TNRC6A: variants seen among roughly 807,000 people sequenced by gnomAD.
The protein encoded by TNRC6A is trinucleotide repeat-containing gene 6A protein.
In TNRC6A, 44 loss-of-function variants were observed where a neutral mutation model predicts 221.2. That is an observed-to-expected ratio of 0.20 (90% CI 0.16 to 0.26). The LOEUF (loss-of-function observed/expected upper bound fraction) is 0.26, where lower values mean the gene tolerates loss of function less well. TNRC6A is among the 10% of genes least tolerant of loss of function. The pLI is 1.00. For synonymous variants in TNRC6A, 847 were observed against 838.5 expected (o/e 1.01, Z -0.18); for missense variants, 2,199 against 2,404.4 (o/e 0.91, Z 1.79).
chr16:24,627,221 A>T (rs1478715786), intron 1 of TNRC6A, among the ~76,000 whole-genome samples: 1 of 152,108 alleles, frequency 6.6e-6, no homozygotes, highest in Non-Finnish European at 1.5e-5. Flanking sequence ...GACCTGGAGC[A>T]GTCACTGGTG....
intron 2 of TNRC6A, among the ~76,000 whole-genome samples, chr16:24,675,688 CTCTCTCTCTCTCTCTATATATATATA>C (rs1444484222): frequency 2.2e-3 from 192 of 86,096 alleles, no homozygotes; most frequent in Middle Eastern, 4.9e-3. Context: ...CTCTCTCTCT[CTCTCTCTCTCTCTCTATATATATATA>C]TATATATATA....
At chr16:24,781,855 C>T (rs935737281) in intron 5 of TNRC6A, among the ~76,000 whole-genome samples, 3 of 149,706 alleles carry the variant, frequency 2.0e-5, no homozygotes, top group African/African-American at 7.4e-5. Context: ...GATGGAGTCT[C>T]GCTGTTGCCC....
chr16:24,822,338 A>G (rs947847330), intron 23 of TNRC6A, among the ~76,000 whole-genome samples, 191 bp downstream of exon 23: 7 of 152,160 alleles, frequency 4.6e-5, no homozygotes, highest in African/African-American at 1.4e-4. Flanking sequence ...TGTGCCTGGG[A>G]ACCAACCAAG....
chr16:24,796,008 A>G (rs747025243), intron 9 of TNRC6A, 69 bp downstream of exon 9: 2 of 1,541,662 alleles, frequency 1.3e-6, no homozygotes, highest in Non-Finnish European at 1.8e-6. Flanking sequence ...AACTGCAAAC[A>G]TTTATTTAGC....
chr16:24,610,694 G>T (rs1900006594), intron 1 of TNRC6A, among the ~76,000 whole-genome samples: 1 of 152,048 alleles, frequency 6.6e-6, no homozygotes. Flanking sequence ...CTTCTCCTTC[G>T]CTGTCCTCCC....
intron 1 of TNRC6A, among the ~76,000 whole-genome samples, chr16:24,620,785 G>GTGACAGAGCAAGACGCCGTCT (rs1256489581): frequency 1.3e-5 from 2 of 151,972 alleles, no homozygotes; most frequent in East Asian, 1.9e-4. Context: ...TCCAGCCTGG[G>GTGACAGAGCAAGACGCCGTCT]CAAAAAGAGT....
chr16:24,625,588 C>T (rs930227539), intron 1 of TNRC6A, among the ~76,000 whole-genome samples: 2 of 151,668 alleles, frequency 1.3e-5, no homozygotes, highest in African/African-American at 4.8e-5. Context: ...TAGCCGGGCG[C>T]GGTGGCGGGC....
intron 2 of TNRC6A, among the ~76,000 whole-genome samples, chr16:24,676,162 T>C (rs550316752): frequency 6.6e-6 from 1 of 152,246 alleles, no homozygotes; most frequent in South Asian, 2.1e-4. Context: ...CTCCATTTGC[T>C]CACCTCTCAA....
chr16:24,687,843 G>GGAAGAA (rs758957416), intron 2 of TNRC6A, among the ~76,000 whole-genome samples: 6,976 of 101,834 alleles, frequency 0.069, 551 homozygotes, highest in African/African-American at 0.12. Flanking sequence ...AAGAGGAAGA[G>GGAAGAA]GAAGAAGAAG....
In TNRC6A at chr16:24,822,865, G is replaced by A. The variant is rs370305126; in HGVS notation, c.5374-9G>A. The stretch of plus-strand genomic sequence containing the variant: ...GCCTCTCACTGGCAGTTTCCACACT[G>A]TTTCCTAGATCGATGGCTCAACTCT... On this transcript the variant is annotated splice_polypyrimidine_tract_variant and intron_variant, in intron 23 of 24. Coordinates refer to ENST00000395799, the MANE Select transcript of TNRC6A (RefSeq NM_014494.4). 6 of 1,612,986 alleles carry A rather than the reference G, an allele frequency of 3.7e-6. No individual in the cohort carries two copies. Among genetic ancestry groups the A allele is most frequent in the East Asian group, 4.5e-5 (2 of 44,882 alleles).
intron 3 of TNRC6A, among the ~76,000 whole-genome samples, chr16:24,756,789 C>T (rs2057261331): frequency 6.6e-6 from 1 of 152,114 alleles, no homozygotes; most frequent in African/African-American, 2.4e-5. Context: ...TGCACCTGGC[C>T]TACTTTGGGT....
intron 2 of TNRC6A, among the ~76,000 whole-genome samples, chr16:24,749,659 C>T (rs1160830858): frequency 6.6e-6 from 1 of 152,084 alleles, no homozygotes; most frequent in Non-Finnish European, 1.5e-5. Flanking sequence ...GGTGGGGTGG[C>T]TTTTGCTTTT....
chr16:24,817,677 T>C (rs1180163255), intron 20 of TNRC6A, among the ~76,000 whole-genome samples: 2 of 152,196 alleles, frequency 1.3e-5, no homozygotes, highest in Non-Finnish European at 2.9e-5. Flanking sequence ...AAAAGTATTT[T>C]CTGTCTTTTT....
chr16:24,710,637 G>A (rs1361676997), intron 2 of TNRC6A, among the ~76,000 whole-genome samples: 1 of 152,060 alleles, frequency 6.6e-6, no homozygotes, highest in Admixed American at 6.6e-5. Flanking sequence ...ACTCAATTAG[G>A]GTGGTATCTG....
intron 1 of TNRC6A, among the ~76,000 whole-genome samples, chr16:24,629,900 G>T (rs910677131): frequency 1.3e-5 from 2 of 151,668 alleles, no homozygotes; most frequent in African/African-American, 4.8e-5. Context: ...TGAGCCCAGG[G>T]AGATCAAGGC....
intron 2 of TNRC6A, among the ~76,000 whole-genome samples, chr16:24,708,398 G>A (rs1012133599): frequency 2.6e-5 from 4 of 151,934 alleles, no homozygotes; most frequent in Non-Finnish European, 4.4e-5. Context: ...CCGCCACCAC[G>A]CCCGGCTAAT....
intron 4 of TNRC6A, among the ~76,000 whole-genome samples, chr16:24,773,037 T>G (rs910806864): frequency 6.6e-6 from 1 of 152,242 alleles, no homozygotes; most frequent in Non-Finnish European, 1.5e-5. Context: ...AATAAAGTTT[T>G]AACTATTCTT....
intron 5 of TNRC6A, among the ~76,000 whole-genome samples, chr16:24,785,876 A>G (rs547715460): frequency 3.4e-4 from 52 of 152,314 alleles, no homozygotes; most frequent in African/African-American, 9.4e-4. Context: ...CAAGGGCTGG[A>G]CTGTCTTAGA....
chr16:24,731,577 T>C (rs550610551), intron 2 of TNRC6A, among the ~76,000 whole-genome samples: 1 of 152,294 alleles, frequency 6.6e-6, no homozygotes, highest in Admixed American at 6.5e-5. Flanking sequence ...AGTAAGGAAA[T>C]GTTAAGATAT....
Sources: gnomAD v4.1 joint callset for allele counts (sites outside exome capture counted in the v4.1 genomes callset) on GRCh38, gnomAD v4.1.1 for gene constraint, MANE v1.5 for transcripts, NCBI Gene and HGNC (gene_info 2026-07-23, HGNC 2026-07-21) for gene names.